Variants in TMEM236 observed in about 807,000 individuals in gnomAD.
TMEM236 encodes family with sequence similarity 23, member A.
In TMEM236, 11 loss-of-function variants were observed where a neutral mutation model predicts 14.7. The ratio of observed to expected loss-of-function variants is 0.75; its 90% CI spans 0.47 to 1.24. TMEM236 has a LOEUF of 1.24. Among genes scored for constraint, TMEM236 ranks in the 50% most tolerant of loss-of-function variants. TMEM236 has a pLI of 0.00. For synonymous variants in TMEM236, 182 were observed against 168.6 expected, an observed-to-expected ratio of 1.08 and a Z score of -0.62; for missense variants, 464 against 427.3, an observed-to-expected ratio of 1.09 and a Z score of -0.76.
At chr10:17,774,025 A>T (rs1285150289) in intron 2 of TMEM236, among the ~76,000 whole-genome samples, 26 of 40,840 alleles carry the variant, frequency 6.4e-4, no homozygotes, top group African/African-American at 2.0e-3. Flanking sequence ...TCATATATAT[A>T]TATTTTTGTT....
chr10:17,782,740 C>T (rs923422603), intron 3 of TMEM236, among the ~76,000 whole-genome samples: 61 of 152,176 alleles, frequency 4.0e-4, no homozygotes, highest in African/African-American at 1.4e-3. Context: ...TGTGAGCCAC[C>T]GCGCCAGGCC....
At chr10:17,781,745 CAAAA>C (rs67839025) in intron 3 of TMEM236, among the ~76,000 whole-genome samples, 1,451 of 96,850 alleles carry the variant, frequency 0.015, 24 homozygotes, top group African/African-American at 0.054. Flanking sequence ...ACCTCTGTCT[CAAAA>C]AAAAAAAAAA....
chr10:17,797,341 T>C lies in TMEM236; in HGVS notation c.*837T>C, dbSNP rs1838033795. 6.6e-6 allele frequency: 1 copy of C among 151,774 alleles called. No individual in the cohort carries two copies. The highest frequency in any genetic ancestry group is 2.4e-5 in the African/African-American group (1 of 41,296). The allele number at this position is 151,774 out of a possible 1,614,324, so 9.4% of individuals were successfully genotyped here. ...GATGTCTCGCTCTTGTCCCCTAGGC[T>C]GGAGTGCGATGGCGCGTTCTCAGCT... On this transcript the variant is annotated 3_prime_UTR_variant, in exon 4 of 4. Transcript: ENST00000377495.
At chr10:17,795,633 G>A (rs1196833944) in intron 3 of TMEM236, among the ~76,000 whole-genome samples, 1 of 152,138 alleles carries the variant, frequency 6.6e-6, no homozygotes, top group African/African-American at 2.4e-5. Flanking sequence ...AATAGAATAT[G>A]TGGGGAGGGA....
At chr10:17,771,793 T>C (rs1372727815) in intron 2 of TMEM236, among the ~76,000 whole-genome samples, 1 of 152,260 alleles carries the variant, frequency 6.6e-6, no homozygotes, top group Non-Finnish European at 1.5e-5. Context: ...GATAATAATT[T>C]GCATGTGTTA....
At chr10:17,795,843 ATT>A in intron 3 of TMEM236, 76 bp from the exon 4 acceptor site, 1 of 1,425,270 alleles carries the variant, frequency 7.0e-7, no homozygotes, top group Non-Finnish European at 9.8e-7. Flanking sequence ...TTTAAATGGA[ATT>A]TTAAATTTGA....
At chr10:17,763,748 C>A (rs1837414206) in intron 1 of TMEM236, among the ~76,000 whole-genome samples, 1 of 152,122 alleles carries the variant, frequency 6.6e-6, no homozygotes, top group Non-Finnish European at 1.5e-5. Context: ...TGGGAAAAGA[C>A]CTACTTGCTT....
chr10:17,774,265 G>A (rs1837623147), intron 2 of TMEM236, among the ~76,000 whole-genome samples: 2 of 152,112 alleles, frequency 1.3e-5, no homozygotes, highest in African/African-American at 4.8e-5. Flanking sequence ...GGCTGGTCTT[G>A]AACTCCTGAC....
intron 1 of TMEM236, among the ~76,000 whole-genome samples, chr10:17,768,086 G>GTTTTTTTT (rs879036347): frequency 1.3e-4 from 12 of 92,022 alleles, no homozygotes; most frequent in South Asian, 3.3e-4. Context: ...AATTTTTGTG[G>GTTTTTTTT]TTTTTTTTTT....
At position 17,752,398 on chromosome 10, in the gene TMEM236, T is replaced by A; in HGVS notation, c.103T>A (p.Tyr35Asn). ...GATCACAGAACAGTTTGCCACCGCCTACCAAGGAACAAGGGCTAGATCTGA... is the reference window on the plus strand; with the variant it reads ...GATCACAGAACAGTTTGCCACCGCCAACCAAGGAACAAGGGCTAGATCTGA... ...LVITEQFATA[Y>N]QGTRARSDNT... Residue 35 changes from tyrosine (Y) to asparagine (N), a missense_variant, in exon 1 of 4, where the codon TAC becomes AAC. Coordinates refer to ENST00000377495, the MANE Select transcript of TMEM236 (RefSeq NM_001098844.3). The A allele has an allele frequency of 1.2e-6, 2 of 1,613,926 alleles. No homozygotes were observed. The highest frequency in any genetic ancestry group is 1.7e-6 in the Non-Finnish European group (2 of 1,179,868).
chr10:17,766,089 A>G lies in TMEM236; in HGVS notation c.258-5220A>G, dbSNP rs893012434. Among the ~76,000 whole-genome samples, 1,220 of 152,326 alleles carry G rather than the reference A, an allele frequency of 8.0e-3. 6 individuals carry two copies. The highest frequency in any genetic ancestry group is 0.017 in the Middle Eastern group (5 of 294). Reference sequence around the variant, plus strand: ...TGAGCATAGTTTCTTATCATTTGCAATATGGATAGCCTGAGAATTTGTCAA... The same window carrying G: ...TGAGCATAGTTTCTTATCATTTGCAGTATGGATAGCCTGAGAATTTGTCAA... On this transcript the variant is annotated intron_variant, in intron 1 of 3. Transcript: ENST00000377495.
intron 1 of TMEM236, among the ~76,000 whole-genome samples, chr10:17,765,763 C>T (rs1458608382): frequency 1.3e-5 from 2 of 152,228 alleles, no homozygotes; most frequent in Non-Finnish European, 2.9e-5. Context: ...GTGGCCCCAA[C>T]CCCTCAGCCT....
chr10:17,755,010 C>G (rs970035047), intron 1 of TMEM236, among the ~76,000 whole-genome samples: 2 of 151,950 alleles, frequency 1.3e-5, no homozygotes, highest in Non-Finnish European at 2.9e-5. Context: ...ACGATCTCAG[C>G]TCACTGCAAC....
intron 3 of TMEM236, among the ~76,000 whole-genome samples, chr10:17,787,120 C>A (rs906089328): frequency 2.2e-4 from 33 of 152,158 alleles, no homozygotes; most frequent in Non-Finnish European, 3.7e-4. Context: ...CTAATACATG[C>A]CCTTTCTTCC....
chr10:17,762,833 C>T (rs977983789), intron 1 of TMEM236, among the ~76,000 whole-genome samples: 1 of 151,120 alleles, frequency 6.6e-6, no homozygotes, highest in Non-Finnish European at 1.5e-5. Flanking sequence ...TTTTAAATTT[C>T]CTGTAGAGAC....
chr10:17,772,634 C>T (rs1298818272), intron 2 of TMEM236, among the ~76,000 whole-genome samples: 22 of 152,094 alleles, frequency 1.4e-4, no homozygotes, highest in Admixed American at 1.2e-3. Context: ...AACACATAAA[C>T]AGAAAAGTGC....
At chr10:17,758,462 A>G (rs1837312490) in intron 1 of TMEM236, among the ~76,000 whole-genome samples, 7 of 152,202 alleles carry the variant, frequency 4.6e-5, no homozygotes, top group Admixed American at 2.6e-4. Context: ...TAGCCTTGAC[A>G]TTGACCATGA....
At chr10:17,791,936 G>A (rs906276331) in intron 3 of TMEM236, among the ~76,000 whole-genome samples, 1 of 152,190 alleles carries the variant, frequency 6.6e-6, no homozygotes, top group Non-Finnish European at 1.5e-5. Flanking sequence ...ATTTGCCAAC[G>A]TCTGTCTAGC....
chr10:17,753,681 C>T (rs1157155073), intron 1 of TMEM236, among the ~76,000 whole-genome samples: 1 of 152,140 alleles, frequency 6.6e-6, no homozygotes, highest in African/African-American at 2.4e-5. Context: ...CCTGTCTTTG[C>T]CATTGTGAAT....
Sources: allele counts gnomAD v4.1 joint callset (sites outside exome capture counted in the v4.1 genomes callset), GRCh38; gene constraint gnomAD v4.1.1; transcripts MANE v1.5; gene names NCBI Gene and HGNC (gene_info 2026-07-23, HGNC 2026-07-21).